Variants in SSPN observed in about 807,000 individuals in gnomAD.
SSPN encodes the protein sarcospan, also known as K-ras oncogene-associated protein.
Under a neutral mutation model 19.1 loss-of-function variants are expected in SSPN, and 15 were observed. The ratio of observed to expected loss-of-function variants is 0.78; its 90% CI spans 0.52 to 1.21. SSPN has a LOEUF of 1.21. Ranked by LOEUF, SSPN falls within the 50% of genes most tolerant of loss-of-function variation. The pLI is 0.00. For missense variants in SSPN, 291 were observed against 314.0 expected (o/e 0.93, Z 0.55); for synonymous variants, 147 against 140.3 (o/e 1.05, Z -0.34).
At chr12:26,163,041 GTGTGTGTGTGTGTGTGTGTA>G (rs1387994696) in intron 1 of SSPN, among the ~76,000 whole-genome samples, 2 of 130,506 alleles carry the variant, frequency 1.5e-5, no homozygotes, top group African/African-American at 8.8e-5. Flanking sequence ...ACGTGTGTGT[GTGTGTGTGTGTGTGTGTGTA>G]TGTGTGTGTG....
chr12:26,219,226 A>C (rs1945092349), intron 1 of SSPN, among the ~76,000 whole-genome samples: 1 of 152,198 alleles, frequency 6.6e-6, no homozygotes, highest in Non-Finnish European at 1.5e-5. Flanking sequence ...CAAGACCAGA[A>C]TATAAATACA....
chr12:26,151,974 A>T (rs1245793738), intron 1 of SSPN, among the ~76,000 whole-genome samples: 1 of 152,204 alleles, frequency 6.6e-6, no homozygotes, highest in Non-Finnish European at 1.5e-5. Flanking sequence ...GAGATGTCAC[A>T]CCAGATAATA....
intron 1 of SSPN, chr12:26,123,751 T>A (rs1262518178): frequency 1.8e-5 from 29 of 1,583,292 alleles, no homozygotes; most frequent in Non-Finnish European, 2.5e-5. Flanking sequence ...TCTGCAGTGG[T>A]GCAAAAAAGA....
chr12:26,137,668 T>A (rs1286270703), intron 1 of SSPN, among the ~76,000 whole-genome samples: 1,933 of 96,832 alleles, frequency 0.02, 59 homozygotes, highest in African/African-American at 0.033. Context: ...TTTTTTTTTT[T>A]TTTTTTTTTT....
At position 26,195,869 on chromosome 12, in the gene SSPN, C is replaced by G; in HGVS notation, c.197C>G (p.Ala66Gly). 2 of 1,568,034 alleles carry G rather than the reference C, an allele frequency of 1.3e-6. No individual in the cohort carries two copies. Among genetic ancestry groups the G allele is most frequent in the Non-Finnish European group, 1.7e-6 (2 of 1,160,860 alleles). ...LALLQLALGI[A>G]VTVVGFLMAS... is the part of the protein sequence containing the mutation. ...CTGCTGCAGCTGGCCCTGGGCATCG[C>G]CGTGACCGTGGTGGGCTTCCTCATG... The change falls in exon 1 of 3, where the codon GCC becomes GGC. Residue 66 changes from alanine (A) to glycine (G), a missense_variant. Ala to Gly is a moderately conservative substitution (Grantham distance 60, BLOSUM62 0). Around this residue, in one of 3 missense-constraint regions of SSPN, gnomAD observed 139 missense variants for 119.6 expected, o/e 1.16. Coordinates refer to ENST00000242729, the MANE Select transcript of SSPN (RefSeq NM_005086.5).
chr12:26,187,002 T>C (rs952815789), intron 1 of SSPN, among the ~76,000 whole-genome samples: 4 of 152,232 alleles, frequency 2.6e-5, no homozygotes, highest in African/African-American at 9.6e-5. Context: ...TTGGCCTTAT[T>C]CTCTCCTGTC....
chr12:26,224,398 T>C lies in SSPN; in HGVS notation c.366+19T>C. 6.4e-7 allele frequency: 1 copy of C among 1,573,118 alleles called. No homozygotes were observed. The highest frequency in any genetic ancestry group is 8.8e-7 in the Non-Finnish European group (1 of 1,142,764). ...TATGAAAGTAAGTTGTGATTGTTCT[T>C]TCTCTTTTATCATCACATAGAAAGA... On this transcript the variant is annotated intron_variant, in intron 2 of 2. Transcript: ENST00000242729.
intron 1 of SSPN, among the ~76,000 whole-genome samples, chr12:26,145,384 G>T (rs567816801): frequency 1.3e-5 from 2 of 152,190 alleles, no homozygotes; most frequent in African/African-American, 4.8e-5. Context: ...GGGAGGGCTG[G>T]TGAGGGGCTC....
At chr12:26,207,478 A>G (rs1200921996) in intron 1 of SSPN, among the ~76,000 whole-genome samples, 4 of 152,208 alleles carry the variant, frequency 2.6e-5, no homozygotes, top group African/African-American at 9.6e-5. Flanking sequence ...TACCCCTCCC[A>G]TCTTCCCCAG....
chr12:26,144,795 C>G (rs964642525), intron 1 of SSPN, among the ~76,000 whole-genome samples: 2 of 152,174 alleles, frequency 1.3e-5, no homozygotes, highest in Non-Finnish European at 2.9e-5. Context: ...TATTATCCGA[C>G]AAGTAGAATG....
Position 26,232,008 on chromosome 12 carries a change from A to G in SSPN, c.*932A>G, listed in dbSNP as rs200842727. 7.8e-3 allele frequency: 13 copies of G among 1,662 alleles called. No individual in the cohort carries two copies. In the South Asian group the frequency reaches 0.22, roughly 28 times the overall value. The allele number at this position is 1,662 out of a possible 1,614,324, so 0.1% of individuals were successfully genotyped here. A position where few individuals can be genotyped will look rare whatever the true frequency, so the allele number is the denominator to read the frequency against. On this transcript the variant is annotated 3_prime_UTR_variant, in exon 3 of 3. Coordinates refer to ENST00000242729, the MANE Select transcript of SSPN (RefSeq NM_005086.5). ...CTTCTGAAAGCCAAGCACCACAAGG[A>G]AAAAAAAAATTATTAATAGCTCAGG...
chr12:26,123,883 A>G (rs1944337430), intron 1 of SSPN: 1 of 768,260 alleles, frequency 1.3e-6, no homozygotes. Context: ...TTTCCACAAG[A>G]CAGGTTATAA....
At chr12:26,174,471 C>G (rs1345161087) in intron 1 of SSPN, among the ~76,000 whole-genome samples, 1 of 147,292 alleles carries the variant, frequency 6.8e-6, no homozygotes, top group Non-Finnish European at 1.5e-5. Flanking sequence ...ATCCTGCTAC[C>G]CACGCTTCCT....
chr12:26,150,580 A>AT (rs1308780746), intron 1 of SSPN, among the ~76,000 whole-genome samples: 29 of 91,828 alleles, frequency 3.2e-4, no homozygotes, highest in African/African-American at 1.1e-3. Context: ...GCATTTTAAA[A>AT]TTTTTTGTGC....
At chr12:26,203,558 T>C (rs867630316) in intron 1 of SSPN, among the ~76,000 whole-genome samples, 1 of 152,222 alleles carries the variant, frequency 6.6e-6, no homozygotes, top group Non-Finnish European at 1.5e-5. Flanking sequence ...CTCTGTGTAT[T>C]GAGATAAAAC....
chr12:26,122,458 AGCAGAAGGGCAG>A lies in SSPN; in HGVS notation c.-31+316_-31+327del. 3 of 1,355,306 alleles carry A rather than the reference AGCAGAAGGGCAG, an allele frequency of 2.2e-6. No individual in the cohort carries two copies. The South Asian group carries it at 4.9e-5, about 22-fold the overall frequency. The allele number at this position is 1,355,306 out of a possible 1,614,324, so 84.0% of individuals were successfully genotyped here. On this transcript the variant is annotated intron_variant, in intron 1 of 2. Transcript: ENST00000538142. ...GCGGCAGCTGCAGAAGGCGAGAGGA[AGCAGAAGGGCAG>A]GCAGAAGGGGGCCGCGGCGGCCGCG...
rs549788675 is a variant in SSPN, at chr12:26,174,814, C to A, written c.-30-49479C>A. Among the ~76,000 whole-genome samples the A allele has an allele frequency of 9.2e-5, 14 of 152,306 alleles. No individual in the cohort carries two copies. The South Asian group carries it at 1.0e-3, about 11-fold the overall frequency. On this transcript the variant is annotated intron_variant, in intron 1 of 2. Coordinates refer to the SSPN transcript ENST00000538142. Reference sequence around the variant, plus strand: ...GGGATTACAGGCGTGAGCCACCGTGCCCGGCCTCCCCCTACCATTTCTAGA... The same window carrying A: ...GGGATTACAGGCGTGAGCCACCGTGACCGGCCTCCCCCTACCATTTCTAGA...
chr12:26,124,900 C>T, intron 1 of SSPN: 1 of 989,190 alleles, frequency 1.0e-6, no homozygotes, highest in Non-Finnish European at 1.6e-6. Context: ...TCTCGCTCTC[C>T]CTCTTCAGTG....
At chr12:26,221,185 C>T (rs566048891) in intron 1 of SSPN, among the ~76,000 whole-genome samples, 2 of 152,142 alleles carry the variant, frequency 1.3e-5, no homozygotes, top group African/African-American at 4.8e-5. Context: ...TTTCTTCATG[C>T]CTTTGCACGT....
Sources: gnomAD v4.1 joint callset for allele counts (sites outside exome capture counted in the v4.1 genomes callset) on GRCh38, gnomAD v4.1.1 for gene constraint, gnomAD v4.1.1 regional missense constraint, MANE v1.5 for transcripts, NCBI Gene and HGNC (gene_info 2026-07-23, HGNC 2026-07-21) for gene names.